UBR3: variants seen among roughly 807,000 people sequenced by gnomAD.
The protein encoded by UBR3 is E3 ubiquitin-protein ligase UBR3.
Under a neutral mutation model 243.2 loss-of-function variants are expected in UBR3, and 85 were observed. That is an observed-to-expected ratio of 0.35 (90% CI 0.29 to 0.42). The LOEUF is 0.42. Among genes scored for constraint, UBR3 ranks in the 10% least tolerant of loss-of-function variants. The pLI is 1.00. For missense variants in UBR3, 1,686 were observed against 2,300.8 expected (o/e 0.73, Z 5.47); for synonymous variants, 748 against 799.8 (o/e 0.94, Z 1.09).
Position 170,080,018 on chromosome 2 carries a change from G to T in UBR3, c.5404G>T (p.Val1802Leu). 6.2e-7 allele frequency: 1 copy of T among 1,612,452 alleles called. No individual in the cohort carries two copies. The highest frequency in any genetic ancestry group is 8.5e-7 in the Non-Finnish European group (1 of 1,179,494). Residue 1802 changes from valine to leucine, a missense_variant, in exon 37 of 39, where the codon GTA (valine) becomes TTA (leucine). Around this residue, in one of 8 missense-constraint regions of UBR3, gnomAD observed 89 missense variants for 183.3 expected, o/e 0.49. Transcript: ENST00000272793. Reference sequence around the variant, plus strand: ...CAAGCAACAAAGTTACTGTGAATGTGTACTGGTAAGCAATAGTAGATAATA... The same window carrying T: ...CAAGCAACAAAGTTACTGTGAATGTTTACTGGTAAGCAATAGTAGATAATA... Reference protein sequence around the residue: ...CCKQQSYCECVLHSQNCGAGT... With the variant: ...CCKQQSYCECLLHSQNCGAGT...
chr2:169,854,426 T>G (rs2082766632), intron 1 of UBR3, among the ~76,000 whole-genome samples: 1 of 152,216 alleles, frequency 6.6e-6, no homozygotes, highest in South Asian at 2.1e-4. Context: ...GGTTTAGGTT[T>G]TTGTAAAGTG....
At chr2:170,065,145 G>A (rs541060831) in intron 35 of UBR3, among the ~76,000 whole-genome samples, 1 of 151,968 alleles carries the variant, frequency 6.6e-6, no homozygotes, top group African/African-American at 2.4e-5. Context: ...ACCCAGCCAA[G>A]CTTTTATTCT....
intron 1 of UBR3, among the ~76,000 whole-genome samples, chr2:169,836,057 A>T (rs1558998843): frequency 9.6e-5 from 4 of 41,824 alleles, no homozygotes; most frequent in Admixed American, 4.0e-4. Context: ...ATATATATAT[A>T]TATATATATA....
At chr2:169,997,519 C>T (rs2089539131) in intron 26 of UBR3, among the ~76,000 whole-genome samples, 1 of 151,930 alleles carries the variant, frequency 6.6e-6, no homozygotes, top group South Asian at 2.1e-4. Context: ...CTCTTCACTC[C>T]CGTAGTCTAG....
rs555146682 is a variant in UBR3, at chr2:169,968,957, T to C, written c.3634+10431T>C. The stretch of plus-strand genomic sequence containing the variant: ...CAGAGGATTAATCATGTTGACCTTT[T>C]TGTTTTTTATATGCCTGTTTGGCCA... On this transcript the variant is annotated intron_variant, in intron 24 of 38. Transcript: ENST00000272793. Among the ~76,000 whole-genome samples, 6 of 152,304 alleles carry C rather than the reference T, an allele frequency of 3.9e-5. No homozygotes were observed. In the East Asian group the frequency reaches 1.2e-3, roughly 29 times the overall value.
chr2:169,940,824 G>A (rs1166833977), intron 19 of UBR3, among the ~76,000 whole-genome samples: 4 of 152,192 alleles, frequency 2.6e-5, no homozygotes, highest in Admixed American at 1.3e-4. Flanking sequence ...GCCAATGGCT[G>A]TCCGAAAATA....
chr2:169,839,128 C>T (rs9807971), intron 1 of UBR3, among the ~76,000 whole-genome samples: 27,172 of 152,074 alleles, frequency 0.18, 2,666 homozygotes, highest in East Asian at 0.35. Context: ...TAAATGCCCA[C>T]CAATGGAAGA....
chr2:170,072,971 T>C (rs1423955404), intron 35 of UBR3, among the ~76,000 whole-genome samples: 1 of 152,128 alleles, frequency 6.6e-6, no homozygotes, highest in Non-Finnish European at 1.5e-5. Context: ...TTAAAACTGA[T>C]TTTGTTTCAC....
intron 10 of UBR3, among the ~76,000 whole-genome samples, chr2:169,907,145 T>A (rs376817603): frequency 5.1e-4 from 76 of 149,744 alleles, no homozygotes; most frequent in African/African-American, 1.6e-3. Context: ...TAAGCAATTC[T>A]CCTGCCTGAG....
At chr2:170,021,325 C>T (rs2090386192) in intron 30 of UBR3, among the ~76,000 whole-genome samples, 1 of 152,070 alleles carries the variant, frequency 6.6e-6, no homozygotes, top group African/African-American at 2.4e-5. Flanking sequence ...GGCTTATATA[C>T]AACAGAAATG....
chr2:170,040,687 T>A (rs2090945251), intron 31 of UBR3, among the ~76,000 whole-genome samples, 195 bp from the exon 32 acceptor site: 1 of 152,214 alleles, frequency 6.6e-6, no homozygotes, highest in South Asian at 2.1e-4. Context: ...ATTTTCTTCA[T>A]GTTAGAGTCA....
intron 35 of UBR3, among the ~76,000 whole-genome samples, chr2:170,065,959 C>G (rs750829751): frequency 6.8e-6 from 1 of 147,810 alleles, no homozygotes; most frequent in Non-Finnish European, 1.5e-5. Flanking sequence ...AATGCTTCTA[C>G]GTATCCCGTG....
chr2:170,015,507 T>C (rs995382299), intron 30 of UBR3, 141 bp downstream of exon 30: 2 of 559,266 alleles, frequency 3.6e-6, no homozygotes, highest in South Asian at 5.6e-5. Flanking sequence ...TTTAAATGGC[T>C]AATCTTGTAC....
At chr2:170,026,671 T>C (rs2090537978) in intron 30 of UBR3, among the ~76,000 whole-genome samples, 1 of 152,142 alleles carries the variant, frequency 6.6e-6, no homozygotes, top group Non-Finnish European at 1.5e-5. Context: ...AATCTTTTTA[T>C]ATATGTGGAC....
At chr2:170,018,202 A>G (rs1486321605) in intron 30 of UBR3, among the ~76,000 whole-genome samples, 1 of 151,582 alleles carries the variant, frequency 6.6e-6, no homozygotes, top group Non-Finnish European at 1.5e-5. Context: ...TATCTTGTCT[A>G]TTTTCTTTTG....
intron 24 of UBR3, among the ~76,000 whole-genome samples, chr2:169,964,165 T>C (rs552552294): frequency 6.6e-5 from 10 of 152,270 alleles, no homozygotes; most frequent in Admixed American, 6.5e-4. Context: ...AAATTTTAAA[T>C]TGTTTACAGA....
At chr2:169,852,864 A>C (rs1036143612) in intron 1 of UBR3, among the ~76,000 whole-genome samples, 9 of 145,328 alleles carry the variant, frequency 6.2e-5, no homozygotes, top group South Asian at 2.2e-4. Context: ...AAAAAAAAAA[A>C]AAAAAAAAAA....
At chr2:169,839,598 A>G (rs1190134045) in intron 1 of UBR3, among the ~76,000 whole-genome samples, 1 of 152,232 alleles carries the variant, frequency 6.6e-6, no homozygotes, top group African/African-American at 2.4e-5. Flanking sequence ...GATCTTTACA[A>G]ATTATATGAA....
chr2:169,928,656 C>A, intron 17 of UBR3, 71 bp from the exon 18 acceptor site: 1 of 1,272,164 alleles, frequency 7.9e-7, no homozygotes, highest in South Asian at 2.1e-5. Flanking sequence ...AAATGAGAAA[C>A]TAGAGTACCT....
Sources: gnomAD v4.1 joint callset for allele counts (sites outside exome capture counted in the v4.1 genomes callset) on GRCh38, gnomAD v4.1.1 for gene constraint, gnomAD v4.1.1 regional missense constraint, MANE v1.5 for transcripts, NCBI Gene and HGNC (gene_info 2026-07-23, HGNC 2026-07-21) for gene names.